BCKDHB: variants seen among roughly 807,000 people sequenced by gnomAD.
BCKDHB encodes the protein branched chain keto acid dehydrogenase E1 subunit beta, also known as 2-oxoisovalerate dehydrogenase subunit beta, mitochondrial.
In BCKDHB, 41 loss-of-function variants were observed where a neutral mutation model predicts 48.5. The ratio of observed to expected loss-of-function variants is 0.85; its 90% CI spans 0.66 to 1.10. BCKDHB has a LOEUF of 1.10. BCKDHB is among the 50% of genes least tolerant of loss of function. The pLI, the probability that BCKDHB is intolerant of heterozygous loss-of-function variation, is 0.00. For missense variants in BCKDHB, 496 were observed against 494.2 expected (o/e 1.00, Z -0.03); for synonymous variants, 201 against 174.8 (o/e 1.15, Z -1.18).
the BCKDHB span, chr6:80,374,398 C>T: frequency 2.8e-4 from 218 of 791,856 alleles, no homozygotes; most frequent in African/African-American, 2.6e-3. Flanking sequence ...CGGAATGGTA[C>T]GCACCGTTTC....
chr6:80,120,477 A>G (rs1351078781), intron 1 of BCKDHB, among the ~76,000 whole-genome samples: 4 of 152,102 alleles, frequency 2.6e-5, no homozygotes, highest in Non-Finnish European at 4.4e-5. Flanking sequence ...CACTCCCACC[A>G]AGAGTGTAAA....
intron 8 of BCKDHB, among the ~76,000 whole-genome samples, chr6:80,240,827 T>G (rs941783138): frequency 6.6e-6 from 1 of 152,174 alleles, no homozygotes; most frequent in Non-Finnish European, 1.5e-5. Flanking sequence ...TTCTCCTGGA[T>G]AATATCCTGA....
At chr6:80,410,234 G>A in the BCKDHB span, among the ~76,000 whole-genome samples, 3 of 152,138 alleles carry the variant, frequency 2.0e-5, no homozygotes, top group Admixed American at 6.5e-5. Context: ...ATGAGATTCT[G>A]GGTTGAAAAT....
rs1562048485 is a variant in BCKDHB at position 80,106,689 on chromosome 6, CG to C, written c.-1del. On this transcript the variant is annotated 5_prime_UTR_variant, in exon 1 of 10. Transcript: ENST00000320393. Reference sequence around the variant, plus strand: ...ATAGCCTGAGAATCCCGGTGGTGAGCGGGGATGGCGGTTGTAGCGGCGGCTG... The same window carrying C: ...ATAGCCTGAGAATCCCGGTGGTGAGCGGGATGGCGGTTGTAGCGGCGGCTG... 5 of 1,553,192 alleles carry C rather than the reference CG, an allele frequency of 3.2e-6. No homozygotes were observed. The highest frequency in any genetic ancestry group is 4.4e-6 in the Non-Finnish European group (5 of 1,149,142).
chr6:80,178,127 T>C (rs1000485162), intron 6 of BCKDHB, among the ~76,000 whole-genome samples: 1 of 152,232 alleles, frequency 6.6e-6, no homozygotes, highest in African/African-American at 2.4e-5. Flanking sequence ...CATGGCCATG[T>C]GCCTCTATCT....
At chr6:80,149,599 C>T (rs1362273273) in intron 3 of BCKDHB, among the ~76,000 whole-genome samples, 1 of 151,178 alleles carries the variant, frequency 6.6e-6, no homozygotes, top group African/African-American at 2.4e-5. Context: ...CAATGATAGA[C>T]TGGATTAAGA....
At chr6:80,351,801 C>G in the BCKDHB span, among the ~76,000 whole-genome samples, 1 of 149,524 alleles carries the variant, frequency 6.7e-6, no homozygotes, top group Non-Finnish European at 1.5e-5. Flanking sequence ...TGCTACCACA[C>G]CCAGCTAATT....
rs534259559 is a variant in BCKDHB at position 80,140,414 on chromosome 6, C to A, written c.343+11185C>A. ...AAAGGGAATGCTTCCAGTTTTTGTCCATTCAGTATGATATTGGCTGTGGGT... is the reference window on the plus strand; with the variant it reads ...AAAGGGAATGCTTCCAGTTTTTGTCAATTCAGTATGATATTGGCTGTGGGT... On this transcript the variant is annotated intron_variant, in intron 3 of 9. Transcript: ENST00000320393. Among the ~76,000 whole-genome samples, 866 of 152,264 alleles carry A rather than the reference C, an allele frequency of 5.7e-3. 10 individuals are homozygous for A. Among genetic ancestry groups the A allele is most frequent in the African/African-American group, 0.02 (820 of 41,528 alleles).
At chr6:80,385,779 C>T in the BCKDHB span, among the ~76,000 whole-genome samples, 139,106 of 152,184 alleles carry the variant, frequency 0.91, 64,876 homozygotes, top group East Asian at 1. Context: ...GGAAAAGAAC[C>T]GAGTTTTCGA....
At chr6:80,163,251 C>G (rs1193628001) in intron 3 of BCKDHB, among the ~76,000 whole-genome samples, 1 of 151,650 alleles carries the variant, frequency 6.6e-6, no homozygotes, top group Non-Finnish European at 1.5e-5. Flanking sequence ...TGTCACTACT[C>G]ATTGTCTTCA....
the BCKDHB span, among the ~76,000 whole-genome samples, chr6:80,401,946 T>C: frequency 9.2e-5 from 14 of 151,982 alleles, no homozygotes; most frequent in East Asian, 2.7e-3. Context: ...AGCTAAATAA[T>C]ATTCTATTGC....
chr6:80,107,139 C>T (rs1350529258), intron 1 of BCKDHB, among the ~76,000 whole-genome samples: 1 of 151,760 alleles, frequency 6.6e-6, no homozygotes, highest in Non-Finnish European at 1.5e-5. Context: ...GGGCATACTG[C>T]CACCTGGAAG....
At chr6:80,348,386 C>T (rs1770299872), downstream of BCKDHB, among the ~76,000 whole-genome samples, 1 of 152,156 alleles carries the variant, frequency 6.6e-6, no homozygotes, top group African/African-American at 2.4e-5. Flanking sequence ...CATGTGGTTT[C>T]TGGCTGCCTA....
At chr6:80,107,722 A>G (rs551318128) in intron 1 of BCKDHB, among the ~76,000 whole-genome samples, 1 of 151,970 alleles carries the variant, frequency 6.6e-6, no homozygotes, top group African/African-American at 2.4e-5. Context: ...GTCCTGGGCT[A>G]TGCTGCCACT....
the BCKDHB span, among the ~76,000 whole-genome samples, chr6:80,386,848 A>T: frequency 2.0e-5 from 3 of 152,166 alleles, no homozygotes; most frequent in Non-Finnish European, 4.4e-5. Flanking sequence ...AAAACAGAGA[A>T]TCACAGCCCC....
chr6:80,301,267 A>T (rs1364700563), intron 9 of BCKDHB, among the ~76,000 whole-genome samples: 1 of 152,220 alleles, frequency 6.6e-6, no homozygotes, highest in Non-Finnish European at 1.5e-5. Context: ...TCAAAAAAAC[A>T]ATAAGATTGA....
intron 7 of BCKDHB, 34 bp from the exon 8 acceptor site, chr6:80,203,068 A>T: frequency 7.0e-7 from 1 of 1,429,416 alleles, no homozygotes; most frequent in Non-Finnish European, 9.9e-7. Context: ...GAACCTTTGT[A>T]GTCATTCTCT....
At chr6:80,314,252 G>T (rs1306142643) in intron 9 of BCKDHB, among the ~76,000 whole-genome samples, 1 of 152,214 alleles carries the variant, frequency 6.6e-6, no homozygotes, top group Non-Finnish European at 1.5e-5. Context: ...AGAGAGTTCT[G>T]TAGATACCTA....
chr6:80,290,913 A>T (rs776114509), intron 9 of BCKDHB, among the ~76,000 whole-genome samples: 1 of 152,188 alleles, frequency 6.6e-6, no homozygotes, highest in African/African-American at 2.4e-5. Context: ...TTGACATTGT[A>T]TGGCACTTGT....
Sources: gnomAD v4.1 joint callset for allele counts (sites outside exome capture counted in the v4.1 genomes callset) on GRCh38, gnomAD v4.1.1 for gene constraint, MANE v1.5 for transcripts, NCBI Gene and HGNC (gene_info 2026-07-23, HGNC 2026-07-21) for gene names.